GRIP1: variants seen among roughly 807,000 people sequenced by gnomAD.
GRIP1 encodes the protein glutamate receptor interacting protein 1.
Under a neutral mutation model 129.9 loss-of-function variants are expected in GRIP1, and 45 were observed. That is an observed-to-expected ratio of 0.35 (90% CI 0.27 to 0.44). The LOEUF (loss-of-function observed/expected upper bound fraction) is 0.44, where lower values mean the gene tolerates loss of function less well. Ranked by LOEUF, GRIP1 falls within the 20% of genes least tolerant of loss-of-function variation. GRIP1 has a pLI of 1.00. For missense variants in GRIP1, 1,196 were observed against 1,396.8 expected (o/e 0.86, Z 2.29); for synonymous variants, 530 against 520.8 (o/e 1.02, Z -0.24).
At position 67,006,088 on chromosome 12, in the gene GRIP1, A is replaced by G. The variant is rs895062614; in HGVS notation, c.58+62962T>C. ...TGCTTTTAATACATCTTAATGGGAA[A>G]GACAGTACCAGTTTTCTTAAGGACC... On this transcript the variant is annotated intron_variant, in intron 1 of 1. Coordinates refer to the GRIP1 transcript ENST00000643019. Among the ~76,000 whole-genome samples the G allele has an allele frequency of 2.6e-5, 4 of 152,330 alleles. No homozygotes were observed. In the East Asian group the frequency reaches 5.8e-4, roughly 22 times the overall value.
intron 5 of GRIP1, among the ~76,000 whole-genome samples, chr12:66,521,061 G>A (rs534100489): frequency 6.6e-6 from 1 of 152,242 alleles, no homozygotes; most frequent in Admixed American, 6.5e-5. Context: ...CTAAAAATAG[G>A]CCTTGGTCAG....
chr12:66,896,657 C>T (rs2040754807), intron 1 of GRIP1, among the ~76,000 whole-genome samples: 2 of 152,064 alleles, frequency 1.3e-5, no homozygotes, highest in African/African-American at 4.8e-5. Context: ...AAGTTAATGT[C>T]ATGGTGACAT....
At chr12:66,573,961 A>G (rs1170293096) in intron 2 of GRIP1, among the ~76,000 whole-genome samples, 2 of 152,220 alleles carry the variant, frequency 1.3e-5, no homozygotes, top group Non-Finnish European at 2.9e-5. Flanking sequence ...CATGGAAAAC[A>G]TGATAATCCC....
chr12:66,723,025 T>C (rs1214680790), intron 1 of GRIP1, among the ~76,000 whole-genome samples: 1 of 151,518 alleles, frequency 6.6e-6, no homozygotes, highest in East Asian at 1.9e-4. Flanking sequence ...AGTGGATCCA[T>C]TTGTCCTCAG....
intron 1 of GRIP1, among the ~76,000 whole-genome samples, chr12:67,009,432 AG>A (rs1468858677): frequency 6.6e-6 from 1 of 152,166 alleles, no homozygotes; most frequent in Admixed American, 6.6e-5. Flanking sequence ...AAAGCAAAAC[AG>A]CTAGGAAGCA....
At chr12:66,749,774 T>C (rs906444298) in intron 1 of GRIP1, among the ~76,000 whole-genome samples, 1 of 152,080 alleles carries the variant, frequency 6.6e-6, no homozygotes, top group Non-Finnish European at 1.5e-5. Flanking sequence ...AATGCAGATA[T>C]AATGGTGGTG....
chr12:66,526,025 TAA>T (rs1394364533), intron 5 of GRIP1, among the ~76,000 whole-genome samples: 17 of 151,970 alleles, frequency 1.1e-4, no homozygotes, highest in African/African-American at 3.6e-4. Flanking sequence ...CTCAATGAAA[TAA>T]AAGAGGATAC....
intron 1 of GRIP1, among the ~76,000 whole-genome samples, chr12:66,950,246 C>G (rs576105938): frequency 6.6e-6 from 1 of 152,276 alleles, no homozygotes; most frequent in East Asian, 1.9e-4. Flanking sequence ...AATTCCAAAA[C>G]AGCTAATAGT....
At chr12:67,006,475 G>A (rs1826659976) in intron 1 of GRIP1, among the ~76,000 whole-genome samples, 1 of 152,160 alleles carries the variant, frequency 6.6e-6, no homozygotes, top group Non-Finnish European at 1.5e-5. Flanking sequence ...ATAAAGGTGT[G>A]TAGGGGAGGG....
At chr12:66,727,842 T>G (rs1044013216) in intron 1 of GRIP1, among the ~76,000 whole-genome samples, 2 of 152,178 alleles carry the variant, frequency 1.3e-5, no homozygotes, top group Non-Finnish European at 2.9e-5. Flanking sequence ...GAAATATGCA[T>G]ATAAGTTCAG....
chr12:66,373,840 T>C (rs2055653382), intron 22 of GRIP1, among the ~76,000 whole-genome samples: 1 of 152,212 alleles, frequency 6.6e-6, no homozygotes, highest in South Asian at 2.1e-4. Flanking sequence ...ACAATAGATA[T>C]TAAAATTACC....
chr12:66,661,975 C>T (rs942294914), intron 1 of GRIP1, among the ~76,000 whole-genome samples: 5 of 152,108 alleles, frequency 3.3e-5, no homozygotes, highest in Admixed American at 1.3e-4. Flanking sequence ...CCTTCTCATA[C>T]GTAACACTGT....
chr12:66,999,878 CCT>C (rs1194417466), intron 1 of GRIP1, among the ~76,000 whole-genome samples: 1 of 152,130 alleles, frequency 6.6e-6, no homozygotes, highest in Non-Finnish European at 1.5e-5. Context: ...CACTCATTCC[CCT>C]GTTCATTTGT....
chr12:66,365,391 C>T (rs1403970160), intron 23 of GRIP1, among the ~76,000 whole-genome samples: 5 of 152,272 alleles, frequency 3.3e-5, no homozygotes, highest in East Asian at 1.9e-4. Context: ...GAGCCAAGAT[C>T]GTGCCACTGC....
chr12:66,578,129 T>C (rs2870854), intron 2 of GRIP1, among the ~76,000 whole-genome samples: 37,255 of 151,472 alleles, frequency 0.25, 4,720 homozygotes, highest in Admixed American at 0.28. Flanking sequence ...GGGACAGGCA[T>C]GGTGGCTCAG....
chr12:67,054,801 A>G (rs934188475), intron 1 of GRIP1, among the ~76,000 whole-genome samples: 14 of 151,958 alleles, frequency 9.2e-5, no homozygotes, highest in Admixed American at 9.2e-4. Context: ...GTACTCCAAT[A>G]TGTAGAAATC....
intron 2 of GRIP1, among the ~76,000 whole-genome samples, chr12:66,593,806 C>T (rs2063932602): frequency 1.3e-5 from 2 of 152,116 alleles, no homozygotes; most frequent in Non-Finnish European, 2.9e-5. Context: ...CGGTGGCTCA[C>T]ACCTGTAATC....
intron 2 of GRIP1, among the ~76,000 whole-genome samples, chr12:66,578,532 G>T (rs1482739244): frequency 1.3e-5 from 2 of 152,148 alleles, no homozygotes; most frequent in Admixed American, 1.3e-4. Flanking sequence ...AGGGCACCTG[G>T]AAAATCGGGT....
At chr12:66,974,199 C>T (rs552359642) in intron 1 of GRIP1, among the ~76,000 whole-genome samples, 2 of 152,242 alleles carry the variant, frequency 1.3e-5, no homozygotes, top group African/African-American at 4.8e-5. Context: ...GCTGGGATTA[C>T]AGGCATGAGC....
Sources: allele counts gnomAD v4.1 joint callset (sites outside exome capture counted in the v4.1 genomes callset), GRCh38; gene constraint gnomAD v4.1.1; transcripts MANE v1.5; gene names NCBI Gene and HGNC (gene_info 2026-07-23, HGNC 2026-07-21).